Variants in CUX2 observed in about 807,000 individuals in gnomAD.
The protein encoded by CUX2 is homeobox protein cut-like 2.
Under a neutral mutation model 144.8 loss-of-function variants are expected in CUX2, and 40 were observed. That is an observed-to-expected ratio of 0.28 (90% CI 0.21 to 0.36). The LOEUF is 0.36. Among genes scored for constraint, CUX2 ranks in the 10% least tolerant of loss-of-function variants. The pLI is 1.00. For synonymous variants in CUX2, 827 were observed against 875.6 expected, an observed-to-expected ratio of 0.94 and a Z score of 0.98; for missense variants, 1,615 against 1,994.0, an observed-to-expected ratio of 0.81 and a Z score of 3.62.
Position 111,304,391 on chromosome 12 carries a change from A to G in CUX2, c.858+77A>G. On this transcript the variant is annotated intron_variant, in intron 10 of 21. Coordinates refer to ENST00000261726, the MANE Select transcript of CUX2 (RefSeq NM_015267.4). This position sits in a 1 kb window ranked among gnomAD's most constrained non-coding sequence, Gnocchi z 4.7. Reference sequence around the variant, plus strand: ...AATGGCTGAGTTTGCAGGTTTCAGCATGTGGGTGACACTTTGTGGTTGATT... The same window carrying G: ...AATGGCTGAGTTTGCAGGTTTCAGCGTGTGGGTGACACTTTGTGGTTGATT... 1 of 1,197,038 alleles carries G rather than the reference A, an allele frequency of 8.4e-7. No homozygotes were observed. Among genetic ancestry groups the G allele is most frequent in the South Asian group, 1.3e-5 (1 of 77,186 alleles). 74.2% of individuals were successfully genotyped at this position (1,197,038 alleles called of 1,614,324 possible). A position where few individuals can be genotyped will look rare whatever the true frequency, so the allele number is the denominator to read the frequency against.
intron 19 of CUX2, among the ~76,000 whole-genome samples, chr12:111,337,992 G>A (rs1888425186): frequency 6.6e-6 from 1 of 151,846 alleles, no homozygotes; most frequent in Non-Finnish European, 1.5e-5. Flanking sequence ...CCAAGATCAT[G>A]CCACTACGCT....
chr12:111,155,547 A>G (rs1226261970), intron 1 of CUX2, among the ~76,000 whole-genome samples: 1 of 152,208 alleles, frequency 6.6e-6, no homozygotes, highest in Non-Finnish European at 1.5e-5. Flanking sequence ...TTCATTGGGA[A>G]AATTCCTCTG....
chr12:111,138,288 C>G (rs1290381330), intron 1 of CUX2, among the ~76,000 whole-genome samples: 4 of 151,920 alleles, frequency 2.6e-5, no homozygotes, highest in African/African-American at 7.3e-5. Flanking sequence ...TATCAAAAGC[C>G]TGTTTGACAA....
At chr12:111,299,504 G>A (rs931781057) in intron 9 of CUX2, among the ~76,000 whole-genome samples, 31 of 152,146 alleles carry the variant, frequency 2.0e-4, no homozygotes, top group African/African-American at 7.5e-4. Context: ...GGCCTGGGCT[G>A]GAAGTGCTGA....
intron 1 of CUX2, among the ~76,000 whole-genome samples, chr12:111,091,058 C>T (rs780931652): frequency 1.1e-4 from 17 of 152,160 alleles, no homozygotes; most frequent in South Asian, 2.1e-4. Flanking sequence ...GCGCCGTGTC[C>T]TCACTACATG....
At chr12:111,167,673 TG>T (rs1566268240) in intron 1 of CUX2, among the ~76,000 whole-genome samples, 18 of 124,332 alleles carry the variant, frequency 1.4e-4, no homozygotes, top group African/African-American at 5.8e-4. Flanking sequence ...GCCCTGGGTT[TG>T]TTTGTTTGTT....
chr12:111,062,973 G>A (rs1376487492), intron 1 of CUX2, among the ~76,000 whole-genome samples: 16 of 152,180 alleles, frequency 1.1e-4, no homozygotes, highest in Admixed American at 1.0e-3. Context: ...AGGGTCCCAT[G>A]AGGCTTGTAG....
intron 21 of CUX2, among the ~76,000 whole-genome samples, chr12:111,342,553 T>C (rs1371358163): frequency 6.6e-6 from 1 of 152,124 alleles, no homozygotes; most frequent in Non-Finnish European, 1.5e-5. Flanking sequence ...TGGAGCCTTC[T>C]TCACTTCCCT....
intron 1 of CUX2, among the ~76,000 whole-genome samples, chr12:111,183,235 C>T (rs1234585324): frequency 5.3e-5 from 8 of 152,236 alleles, no homozygotes; most frequent in Admixed American, 6.5e-5. Flanking sequence ...AACATCCAGT[C>T]GGGACTCAGC....
chr12:111,160,047 C>CA lies in CUX2; in HGVS notation c.64-54146dup, dbSNP rs769723367. Among the ~76,000 whole-genome samples, 66 of 152,132 alleles carry CA rather than the reference C, an allele frequency of 4.3e-4. No homozygotes were observed. The highest frequency in any genetic ancestry group is 3.4e-3 in the Middle Eastern group (1 of 294). On this transcript the variant is annotated intron_variant, in intron 1 of 21. Transcript: ENST00000261726. This position sits in a 1 kb window ranked among gnomAD's most constrained non-coding sequence, Gnocchi z 4.1. ...TAAAAACAAAACAAAACAACAACTACAAAAAAAGCAAAAGGAGTTAGGGGA... is the reference window on the plus strand; with the variant it reads ...TAAAAACAAAACAAAACAACAACTACAAAAAAAAGCAAAAGGAGTTAGGGGA...
intron 1 of CUX2, among the ~76,000 whole-genome samples, chr12:111,169,056 A>G (rs1257697786): frequency 6.6e-6 from 1 of 152,074 alleles, no homozygotes; most frequent in African/African-American, 2.4e-5. Flanking sequence ...GTATGACCTT[A>G]TTTAGAAACA....
At chr12:111,262,840 C>T (rs1248288645) in intron 3 of CUX2, among the ~76,000 whole-genome samples, 1 of 152,190 alleles carries the variant, frequency 6.6e-6, no homozygotes, top group Non-Finnish European at 1.5e-5. Context: ...ATTCTCTAGA[C>T]GTGTCCCACT....
intron 4 of CUX2, among the ~76,000 whole-genome samples, chr12:111,279,126 A>T (rs1165555610): frequency 6.6e-6 from 1 of 152,226 alleles, no homozygotes; most frequent in East Asian, 1.9e-4. Context: ...AGAGCAGCCA[A>T]CTGAACCCAC....
At chr12:111,309,986 C>A in intron 14 of CUX2, 55 bp from the exon 15 acceptor site, 1 of 1,266,806 alleles carries the variant, frequency 7.9e-7, no homozygotes, top group Non-Finnish European at 9.9e-7. Flanking sequence ...TCTCTCTCTC[C>A]CCTCATCATC....
In CUX2 at chr12:111,322,369, G is replaced by C; in HGVS notation, c.2767-52G>C. ...AGGTTGGGGAGGAGAGTGAGGGCCA[G>C]GCCCATGTCCCAGGGGCCTGCTGAC... is the stretch of plus-strand genomic sequence containing the variant. On this transcript the variant is annotated intron_variant, in intron 17 of 21. Coordinates refer to ENST00000261726, the MANE Select transcript of CUX2 (RefSeq NM_015267.4). This position sits in a 1 kb window ranked among gnomAD's most constrained non-coding sequence, Gnocchi z 4.2. 6.9e-7 allele frequency: 1 copy of C among 1,451,382 alleles called. No individual in the cohort carries two copies. The highest frequency in any genetic ancestry group is 9.2e-7 in the Non-Finnish European group (1 of 1,088,740). 89.9% of individuals were successfully genotyped at this position (1,451,382 alleles called of 1,614,324 possible).
chr12:111,228,554 G>A (rs946212677), intron 3 of CUX2, among the ~76,000 whole-genome samples: 1 of 152,100 alleles, frequency 6.6e-6, no homozygotes, highest in Non-Finnish European at 1.5e-5. Context: ...CTCCTGAGTA[G>A]CTGGGATTAC....
At chr12:111,040,699 C>T (rs1869699723) in intron 1 of CUX2, among the ~76,000 whole-genome samples, 1 of 152,202 alleles carries the variant, frequency 6.6e-6, no homozygotes, top group Non-Finnish European at 1.5e-5. Context: ...GGTATGGTCT[C>T]TCTCTACACA....
chr12:111,127,620 C>G (rs1391841974), intron 1 of CUX2, among the ~76,000 whole-genome samples: 3 of 152,204 alleles, frequency 2.0e-5, no homozygotes, highest in Non-Finnish European at 4.4e-5. Flanking sequence ...ACTAAGACCT[C>G]TAGACCAGCA....
At chr12:111,122,940 T>C (rs1052071611) in intron 1 of CUX2, among the ~76,000 whole-genome samples, 1 of 152,214 alleles carries the variant, frequency 6.6e-6, no homozygotes, top group African/African-American at 2.4e-5. Context: ...GCATCGGCTT[T>C]GATATTTACA....
Sources: allele counts gnomAD v4.1 joint callset (sites outside exome capture counted in the v4.1 genomes callset), GRCh38; gene constraint gnomAD v4.1.1; non-coding constraint Gnocchi (gnomAD v3.1); transcripts MANE v1.5; gene names NCBI Gene and HGNC (gene_info 2026-07-23, HGNC 2026-07-21).